Variants in RBFOX2 observed in about 807,000 individuals in gnomAD.
The protein encoded by RBFOX2 is RNA binding protein fox-1 homolog 2.
RBFOX2 carries 10 observed loss-of-function variants against 49.1 expected under a neutral mutation model. The observed-to-expected ratio is 0.20, with a 90% CI of 0.13 to 0.35. The LOEUF is 0.35. RBFOX2 is among the 10% of genes least tolerant of loss of function. The pLI, the probability that RBFOX2 is intolerant of heterozygous loss-of-function variation, is 1.00. For synonymous variants in RBFOX2, 183 were observed against 187.4 expected (o/e 0.98, Z 0.19); for missense variants, 323 against 486.9 (o/e 0.66, Z 3.17).
At position 35,984,640 on chromosome 22, in the gene RBFOX2, AT is replaced by A. The variant is rs200076281; in HGVS notation, c.186+43599del. Among the ~76,000 whole-genome samples the A allele has an allele frequency of 4.0e-3, 610 of 151,838 alleles. 2 individuals are homozygous for A. Among genetic ancestry groups the A allele is most frequent in the African/African-American group, 0.014 (574 of 41,450 alleles). On this transcript the variant is annotated intron_variant, in intron 1 of 13. Coordinates refer to the RBFOX2 transcript ENST00000438146. ...GCTCAGAAACACATTTAGTTTCTCA[AT>A]TTTTTTTTAACCAAAGATCTAGAGT...
chr22:35,991,807 C>T lies in RBFOX2; in HGVS notation c.186+36433G>A, dbSNP rs192225033. Among the ~76,000 whole-genome samples, 6 of 152,184 alleles carry T rather than the reference C, an allele frequency of 3.9e-5. No individual in the cohort carries two copies. In the East Asian group the frequency reaches 5.8e-4, roughly 15 times the overall value. ...ACCAGATTCAGGTTTCTGGCACCTC[C>T]GATAATGACTGATGAACTAATAAAA... On this transcript the variant is annotated intron_variant, in intron 1 of 13. Transcript: ENST00000438146.
intron 1 of RBFOX2, 98 bp downstream of exon 2, chr22:35,938,749 A>G (rs2053380692): frequency 2.5e-6 from 3 of 1,177,816 alleles, no homozygotes; most frequent in Non-Finnish European, 3.8e-6. Flanking sequence ...TTTCCTTTCA[A>G]AGTAAGTAAT....
chr22:35,878,044 A>T (rs1056487197), intron 1 of RBFOX2, among the ~76,000 whole-genome samples: 1 of 104,226 alleles, frequency 9.6e-6, no homozygotes, highest in African/African-American at 6.2e-5. Context: ...ACTACTACAC[A>T]CACACACACA....
intron 1 of RBFOX2, among the ~76,000 whole-genome samples, chr22:36,025,198 T>C (rs1475517298): frequency 6.6e-6 from 1 of 152,232 alleles, no homozygotes; most frequent in Non-Finnish European, 1.5e-5. Flanking sequence ...TTGCTCTCTC[T>C]GCTCCAGCTA....
At chr22:35,827,479 C>G (rs1386851398) in intron 1 of RBFOX2, among the ~76,000 whole-genome samples, 2 of 152,172 alleles carry the variant, frequency 1.3e-5, no homozygotes, top group Non-Finnish European at 2.9e-5. Flanking sequence ...GTCCTAGACT[C>G]TCTGAAACTA....
chr22:35,987,041 T>A (rs1333773540), intron 1 of RBFOX2, among the ~76,000 whole-genome samples: 1 of 152,170 alleles, frequency 6.6e-6, no homozygotes. Context: ...TCATGTATCT[T>A]TATGATAGGT....
At chr22:35,985,352 A>C (rs1169189886) in intron 1 of RBFOX2, among the ~76,000 whole-genome samples, 1 of 152,158 alleles carries the variant, frequency 6.6e-6, no homozygotes, top group Non-Finnish European at 1.5e-5. Flanking sequence ...AAATGGGTAG[A>C]CTGGATTAGA....
chr22:35,762,456 T>C (rs1338895462), intron 6 of RBFOX2, among the ~76,000 whole-genome samples: 5 of 151,846 alleles, frequency 3.3e-5, no homozygotes, highest in Non-Finnish European at 5.9e-5. Context: ...TGCCACACTA[T>C]TCTATAAATA....
intron 2 of RBFOX2, among the ~76,000 whole-genome samples, chr22:35,795,316 C>T (rs187868917): frequency 6.6e-6 from 1 of 152,220 alleles, no homozygotes; most frequent in Admixed American, 6.5e-5. Context: ...TAGTCCAAGA[C>T]CTCTACATCT....
chr22:35,944,152 A>G (rs2054009326), intron 1 of RBFOX2, among the ~76,000 whole-genome samples: 1 of 152,222 alleles, frequency 6.6e-6, no homozygotes, highest in African/African-American at 2.4e-5. Flanking sequence ...GAGAGTCATA[A>G]TAATTACAAG....
chr22:36,022,018 T>C (rs1483487245), intron 1 of RBFOX2, among the ~76,000 whole-genome samples: 2 of 152,222 alleles, frequency 1.3e-5, no homozygotes, highest in African/African-American at 4.8e-5. Flanking sequence ...TGCCATTTCC[T>C]TCCAATCATG....
chr22:35,959,159 GAC>G (rs1265383370), intron 1 of RBFOX2, among the ~76,000 whole-genome samples: 3 of 152,150 alleles, frequency 2.0e-5, no homozygotes, highest in Non-Finnish European at 4.4e-5. Context: ...AAAAGCCAGT[GAC>G]ATATGCAGGC....
chr22:35,808,473 GAT>G (rs1380293906), intron 2 of RBFOX2, among the ~76,000 whole-genome samples: 4 of 152,130 alleles, frequency 2.6e-5, no homozygotes, highest in Non-Finnish European at 5.9e-5. Flanking sequence ...TTCATAACCA[GAT>G]ATAGGAAAGA....
chr22:35,918,038 G>A (rs1292206975), intron 1 of RBFOX2, among the ~76,000 whole-genome samples: 3 of 152,198 alleles, frequency 2.0e-5, no homozygotes, highest in Admixed American at 6.5e-5. Flanking sequence ...AATGTAAAAC[G>A]GGGGTGATAT....
chr22:35,897,711 C>T (rs2048035134), intron 1 of RBFOX2: 4 of 905,892 alleles, frequency 4.4e-6, no homozygotes, highest in South Asian at 3.9e-5. Context: ...CCTTCCAGCC[C>T]AAGGAAACAA....
At chr22:35,826,125 G>A (rs1955669334) in intron 1 of RBFOX2, among the ~76,000 whole-genome samples, 1 of 149,470 alleles carries the variant, frequency 6.7e-6, no homozygotes, top group Non-Finnish European at 1.5e-5. Context: ...ATGGATCACT[G>A]AGGTCAGGAG....
chr22:36,025,495 AGGGTTTTTT>A (rs1458054466), intron 1 of RBFOX2, among the ~76,000 whole-genome samples: 1 of 152,200 alleles, frequency 6.6e-6, no homozygotes, highest in Non-Finnish European at 1.5e-5. Flanking sequence ...CATGACAGCA[AGGGTTTTTT>A]GTTGTTGTTG....
At chr22:35,847,769 C>G (rs944969679) in intron 1 of RBFOX2, among the ~76,000 whole-genome samples, 1 of 151,770 alleles carries the variant, frequency 6.6e-6, no homozygotes, top group Admixed American at 6.6e-5. Flanking sequence ...TAGAATAAAC[C>G]TACAAATGGA....
chr22:35,895,736 T>G lies in RBFOX2; in HGVS notation c.-34+43111A>C, dbSNP rs376259509. On this transcript the variant is annotated intron_variant, in intron 1 of 13. Transcript: ENST00000359369. ...GTTTCAATTCTAGATCTACAAGTAC[T>G]ATCATTATGGCCTGGGGAAAGTTTC... is the stretch of plus-strand genomic sequence containing the variant. Among the ~76,000 whole-genome samples the G allele has an allele frequency of 2.1e-4, 32 of 152,320 alleles. No homozygotes were observed. In the East Asian group the frequency reaches 5.6e-3, roughly 27 times the overall value.
Sources: allele counts gnomAD v4.1 joint callset (sites outside exome capture counted in the v4.1 genomes callset), GRCh38; gene constraint gnomAD v4.1.1; transcripts MANE v1.5; gene names NCBI Gene and HGNC (gene_info 2026-07-23, HGNC 2026-07-21).